The following PGM2 variants were observed in gnomAD, a reference collection of about 807,000 sequenced individuals.
PGM2 encodes the protein phosphoglucomutase 2.
Under a neutral mutation model 74.6 loss-of-function variants are expected in PGM2, and 57 were observed. The ratio of observed to expected loss-of-function variants is 0.76; its 90% confidence interval spans 0.62 to 0.95. The LOEUF (loss-of-function observed/expected upper bound fraction) is 0.95. Ranked by LOEUF, PGM2 falls within the 40% of genes least tolerant of loss-of-function variation. The pLI, the probability that PGM2 is intolerant of heterozygous loss-of-function variation, is 0.00. For missense variants in PGM2, 706 were observed against 741.9 expected, an observed-to-expected ratio of 0.95 and a Z score of 0.56; for synonymous variants, 273 against 260.7, an observed-to-expected ratio of 1.05 and a Z score of -0.46.
chr4:37,850,440 T>G, intron 12 of PGM2, 67 bp downstream of exon 12: 1 of 949,228 alleles, frequency 1.1e-6, no homozygotes, highest in Non-Finnish European at 1.5e-6. Context: ...TTTGAATAAA[T>G]TATTTAACCA....
intron 13 of PGM2, among the ~76,000 whole-genome samples, chr4:37,860,590 A>G (rs1188248926): frequency 2.0e-5 from 3 of 152,258 alleles, no homozygotes; most frequent in African/African-American, 7.2e-5. Flanking sequence ...AGCTATTACA[A>G]TGTTGAAATG....
At chr4:37,827,697 G>T (rs1725333474) in intron 1 of PGM2, among the ~76,000 whole-genome samples, 1 of 151,896 alleles carries the variant, frequency 6.6e-6, no homozygotes. Flanking sequence ...ACTACAAATG[G>T]TAAAAACAAA....
chr4:37,847,263 A>C lies in PGM2; in HGVS notation c.1250A>C (p.Lys417Thr). Residue 417 changes from lysine (K) to threonine (T), a missense_variant, in exon 10 of 14, where the codon AAA becomes ACA. Transcript: ENST00000381967. Reference sequence around the variant, plus strand: ...GCCAAACAGCTAATAGACCAGGGGAAAACTGTTTTATTTGCATTTGAAGAA... The same window carrying C: ...GCCAAACAGCTAATAGACCAGGGGACAACTGTTTTATTTGCATTTGAAGAA... Reference protein sequence around the residue: ...NRAKQLIDQGKTVLFAFEEAI... With the variant: ...NRAKQLIDQGTTVLFAFEEAI... The C allele has an allele frequency of 6.2e-7, 1 of 1,613,592 alleles. No individual in the cohort carries two copies. The highest frequency in any genetic ancestry group is 8.5e-7 in the Non-Finnish European group (1 of 1,179,502).
At chr4:37,839,227 T>C (rs1725641928) in intron 4 of PGM2, among the ~76,000 whole-genome samples, 1 of 151,668 alleles carries the variant, frequency 6.6e-6, no homozygotes, top group Admixed American at 6.6e-5. Flanking sequence ...CAAGTGATTC[T>C]TCTGCCTCAG....
intron 13 of PGM2, among the ~76,000 whole-genome samples, chr4:37,860,116 A>T (rs1448049490): frequency 6.6e-6 from 1 of 152,222 alleles, no homozygotes; most frequent in East Asian, 1.9e-4. Context: ...CACTCATGTC[A>T]TGATTAAGAA....
rs979269216 is a variant in PGM2, at chr4:37,850,459, A to T, written c.1602+86A>T. 97 of 839,726 alleles carry T rather than the reference A, an allele frequency of 1.2e-4. 1 individual carries two copies. Among genetic ancestry groups the T allele is most frequent in the Non-Finnish European group, 8.3e-5 (48 of 577,644 alleles). The allele number at this position is 839,726 out of a possible 1,614,324, so 52.0% of individuals were successfully genotyped here. A position where few individuals can be genotyped will look rare whatever the true frequency, so the allele number is the denominator to read the frequency against. ...AATAAATTATTTAACCATACAATTA[A>T]TTGAAGCTGATTTTAGGCACTTAGG... On this transcript the variant is annotated intron_variant, in intron 12 of 13. Transcript: ENST00000381967.
At position 37,850,289 on chromosome 4, in the gene PGM2, T is replaced by C. The variant is rs750797093; in HGVS notation, c.1518T>C (p.Tyr506=). The part of the protein sequence containing the change: ...NLRNYDGKNN[Y]PKACGKFEIS... ...GAAACTACGATGGAAAAAATAATTA[T>C]CCAAAAGCTTGTGGCAAATTTGAAA... is the stretch of plus-strand genomic sequence containing the variant. Residue 506 remains tyrosine (Y), a synonymous_variant, in exon 12 of 14, where the codon TAT becomes TAC. Coordinates refer to ENST00000381967, the MANE Select transcript of PGM2 (RefSeq NM_018290.4). The C allele has an allele frequency of 6.3e-7, 1 of 1,592,986 alleles. No homozygotes were observed. The highest frequency in any genetic ancestry group is 1.2e-5 in the South Asian group (1 of 86,596).
At chr4:37,860,199 T>G (rs1711719876) in intron 13 of PGM2, among the ~76,000 whole-genome samples, 1 of 152,198 alleles carries the variant, frequency 6.6e-6, no homozygotes, top group African/African-American at 2.4e-5. Context: ...TAAAAAATGA[T>G]TAGCTTACAT....
chr4:37,835,742 TG>T (rs1725552039), intron 3 of PGM2, among the ~76,000 whole-genome samples: 1 of 152,104 alleles, frequency 6.6e-6, no homozygotes. Flanking sequence ...CGTGTGGCCG[TG>T]AGGAAGGGTG....
intron 1 of PGM2, among the ~76,000 whole-genome samples, chr4:37,828,271 G>GAAA (rs755576049): frequency 8.6e-5 from 13 of 151,874 alleles, no homozygotes; most frequent in Non-Finnish European, 1.6e-4. Flanking sequence ...AGAAGAAGAA[G>GAAA]AAAACAATCT....
Position 37,844,409 on chromosome 4 carries a change from C to T in PGM2, c.765C>T (p.Val255=). The T allele has an allele frequency of 1.9e-6, 3 of 1,613,642 alleles. No individual in the cohort carries two copies. Among genetic ancestry groups the T allele is most frequent in the Non-Finnish European group, 2.5e-6 (3 of 1,179,648 alleles). Residue 255 remains valine (V), a synonymous_variant, in exon 7 of 14, where the codon GTC becomes GTT. Coordinates refer to ENST00000381967, the MANE Select transcript of PGM2 (RefSeq NM_018290.4). ...AGGTGAAGTTTGTGCACACCTCTGT[C>T]CATGGGGTGGGTCATAGCTTTGTGC... The part of the protein sequence containing the change: ...ETKVKFVHTS[V]HGVGHSFVQS...
At chr4:37,837,487 C>A in intron 3 of PGM2, 42 bp from the exon 4 acceptor site, 4 of 1,142,100 alleles carry the variant, frequency 3.5e-6, no homozygotes, top group Non-Finnish European at 5.3e-6. Context: ...CAGTCCTGAT[C>A]ACTCAACTCT....
At position 37,840,143 on chromosome 4, in the gene PGM2, A is replaced by C; in HGVS notation, c.603A>C (p.Glu201Asp). 1 of 1,613,578 alleles carries C rather than the reference A, an allele frequency of 6.2e-7. No individual in the cohort carries two copies. Among genetic ancestry groups the C allele is most frequent in the Non-Finnish European group, 8.5e-7 (1 of 1,179,504 alleles). The change falls in exon 6 of 14, where the codon GAA becomes GAC. Residue 201 changes from glutamate to aspartate, a missense_variant. Transcript: ENST00000381967. ...GISQAIEENL[E>D]PWPQAWDDSL... ...CTCAAGCTATTGAAGAAAATCTAGA[A>C]CCGTGGCCTCAAGCTTGGGACGATT...
At chr4:37,853,256 G>T (rs1302545906) in intron 12 of PGM2, among the ~76,000 whole-genome samples, 1 of 151,922 alleles carries the variant, frequency 6.6e-6, no homozygotes, top group East Asian at 1.9e-4. Context: ...TCCTGCTTCA[G>T]CCTCCTGAGT....
intron 7 of PGM2, 102 bp from the exon 8 acceptor site, chr4:37,845,530 AG>A (rs1183901347): frequency 1.3e-6 from 1 of 760,646 alleles, no homozygotes; most frequent in African/African-American, 1.8e-5. Context: ...TCTTTCTAAG[AG>A]GGGAAAGACC....
At chr4:37,848,805 C>T (rs1471878963) in intron 11 of PGM2, among the ~76,000 whole-genome samples, 154 bp downstream of exon 11, 2 of 152,210 alleles carry the variant, frequency 1.3e-5, no homozygotes, top group Non-Finnish European at 2.9e-5. Flanking sequence ...CACAGTGGCT[C>T]ATGCCTGTAA....
intron 1 of PGM2, among the ~76,000 whole-genome samples, chr4:37,829,166 A>G (rs1206773856): frequency 9.3e-5 from 14 of 151,146 alleles, no homozygotes; most frequent in Non-Finnish European, 4.4e-5. Flanking sequence ...CAACCATAAC[A>G]TTTTCTGCAA....
chr4:37,851,404 A>G (rs1435484122), intron 12 of PGM2, among the ~76,000 whole-genome samples: 2 of 152,236 alleles, frequency 1.3e-5, no homozygotes, highest in Admixed American at 6.5e-5. Flanking sequence ...GTAAAGCCTG[A>G]GTTTGCATTC....
intron 11 of PGM2, among the ~76,000 whole-genome samples, chr4:37,849,311 A>C (rs941250576): frequency 6.6e-6 from 1 of 151,936 alleles, no homozygotes; most frequent in South Asian, 2.1e-4. Flanking sequence ...ATCCAAAGAG[A>C]ATACAGAAAT....
Sources: gnomAD v4.1 joint callset for allele counts (sites outside exome capture counted in the v4.1 genomes callset) on GRCh38, gnomAD v4.1.1 for gene constraint, MANE v1.5 for transcripts, NCBI Gene and HGNC (gene_info 2026-07-23, HGNC 2026-07-21) for gene names.